Variants in GAD2 observed in about 807,000 individuals in gnomAD.
The protein encoded by GAD2 is 65 kDa glutamic acid decarboxylase.
In GAD2, 22 loss-of-function variants were observed where a neutral mutation model predicts 80.1. That is an observed-to-expected ratio of 0.27 (90% confidence interval 0.20 to 0.39). The LOEUF (loss-of-function observed/expected upper bound fraction) is 0.39, where lower values mean the gene tolerates loss of function less well. Among genes scored for constraint, GAD2 ranks in the 10% least tolerant of loss-of-function variants. The pLI is 1.00. For missense variants in GAD2, 624 were observed against 738.4 expected (o/e 0.85, Z 1.80); for synonymous variants, 274 against 256.9 (o/e 1.07, Z -0.64).
chr10:26,303,491 TGAAG>T lies in GAD2; in HGVS notation c.*2532_*2535del, dbSNP rs1834350473. ...GGGAAGGAGGGAGGGAGGAAGGAAA[TGAAG>T]GGAGGGAGGGAGGGAGGAAAGAAGG... On this transcript the variant is annotated 3_prime_UTR_variant, in exon 16 of 16. Coordinates refer to ENST00000376261, the MANE Select transcript of GAD2 (RefSeq NM_001134366.2). The T allele has an allele frequency of 4.2e-5, 2 of 47,768 alleles. No individual in the cohort carries two copies. The highest frequency in any genetic ancestry group is 2.5e-4 in the Admixed American group (1 of 3,936). The allele number at this position is 47,768 out of a possible 1,614,324, so 3.0% of individuals were successfully genotyped here. A position where few individuals can be genotyped will look rare whatever the true frequency, so the allele number is the denominator to read the frequency against.
intron 8 of GAD2, among the ~76,000 whole-genome samples, chr10:26,254,538 G>A (rs141232186): frequency 1.3e-5 from 2 of 152,300 alleles, no homozygotes; most frequent in African/African-American, 2.4e-5. Context: ...CCATGGATGT[G>A]AGAGAGAACC....
At chr10:26,297,614 A>G (rs1445703570) in intron 15 of GAD2, among the ~76,000 whole-genome samples, 1 of 152,232 alleles carries the variant, frequency 6.6e-6, no homozygotes, top group Non-Finnish European at 1.5e-5. Context: ...ATCCAACCAA[A>G]AAGTACAAAA....
Position 26,229,605 on chromosome 10 carries a change from G to A in GAD2, c.725-57G>A, listed in dbSNP as rs546104830. ...TCAGTGGAAATAAGGAATGTTGCTT[G>A]CATGTGAAATGAGGTTGATAATAAA... On this transcript the variant is annotated intron_variant, in intron 6 of 15. Transcript: ENST00000376261. 3.3e-6 allele frequency: 4 copies of A among 1,205,424 alleles called. No homozygotes were observed. In the African/African-American group the frequency reaches 4.5e-5, roughly 14 times the overall value. 74.7% of individuals were successfully genotyped at this position (1,205,424 alleles called of 1,614,324 possible). A position where few individuals can be genotyped will look rare whatever the true frequency, so the allele number is the denominator to read the frequency against.
intron 13 of GAD2, among the ~76,000 whole-genome samples, chr10:26,289,078 GT>G (rs35967087): frequency 2.0e-5 from 3 of 150,756 alleles, no homozygotes; most frequent in Admixed American, 2.0e-4. Flanking sequence ...ACCTTTGTGA[GT>G]TTTTTTTTGA....
chr10:26,217,485 C>T lies in GAD2; in HGVS notation c.77-125C>T, dbSNP rs1844390631. 9 of 1,011,378 alleles carry T rather than the reference C, an allele frequency of 8.9e-6. No individual in the cohort carries two copies. Among genetic ancestry groups the T allele is most frequent in the Non-Finnish European group, 1.4e-5 (9 of 661,624 alleles). 62.7% of individuals were successfully genotyped at this position (1,011,378 alleles called of 1,614,324 possible). On this transcript the variant is annotated intron_variant, in intron 1 of 15. Coordinates refer to ENST00000376261, the MANE Select transcript of GAD2 (RefSeq NM_001134366.2). The surrounding 1 kb of genome is among the most constrained non-coding windows in gnomAD (Gnocchi z 4.9). ...CGGCCTCACCGAGTCCTGAGCGGCCCCCAGGAGGAAGGCGGCCCCTCCTAG... is the reference window on the plus strand; with the variant it reads ...CGGCCTCACCGAGTCCTGAGCGGCCTCCAGGAGGAAGGCGGCCCCTCCTAG...
At chr10:26,243,926 TG>T (rs1844774033) in intron 7 of GAD2, among the ~76,000 whole-genome samples, 1 of 152,214 alleles carries the variant, frequency 6.6e-6, no homozygotes, top group Non-Finnish European at 1.5e-5. Flanking sequence ...TGTTAAGCCT[TG>T]TATGTAAAAT....
At chr10:26,233,000 G>GT (rs1176267849) in intron 7 of GAD2, among the ~76,000 whole-genome samples, 1 of 152,010 alleles carries the variant, frequency 6.6e-6, no homozygotes, top group African/African-American at 2.4e-5. Flanking sequence ...TTGACAAATA[G>GT]TTTTTTTAAT....
At chr10:26,218,551 T>TCTCTCTCTCACACACACACACACA (rs748110324) in intron 3 of GAD2, among the ~76,000 whole-genome samples, 25 of 118,860 alleles carry the variant, frequency 2.1e-4, no homozygotes, top group African/African-American at 6.8e-4. Flanking sequence ...TCTCTCTCTC[T>TCTCTCTCTCACACACACACACACA]CACACACACA....
At chr10:26,218,551 T>TCTCACACACACACACACACACACACACA (rs748110324) in intron 3 of GAD2, among the ~76,000 whole-genome samples, 1 of 118,780 alleles carries the variant, frequency 8.4e-6, no homozygotes, top group Non-Finnish European at 1.7e-5. Context: ...TCTCTCTCTC[T>TCTCACACACACACACACACACACACACA]CACACACACA....
At chr10:26,253,896 G>A (rs1162658935) in intron 8 of GAD2, among the ~76,000 whole-genome samples, 1 of 152,048 alleles carries the variant, frequency 6.6e-6, no homozygotes, top group Non-Finnish European at 1.5e-5. Context: ...TGGCACCAGG[G>A]ACTGGTCTCA....
At chr10:26,293,644 A>G (rs1162287402) in intron 15 of GAD2, among the ~76,000 whole-genome samples, 3 of 152,202 alleles carry the variant, frequency 2.0e-5, no homozygotes, top group African/African-American at 7.2e-5. Flanking sequence ...TACAAGCACA[A>G]AAGAGACTTT....
In GAD2 at chr10:26,229,711, G is replaced by A. The variant is rs981208590; in HGVS notation, c.774G>A (p.Met258Ile). Reference sequence around the variant, plus strand: ...CCATGATGATCGCACGCTTTAAGATGTTCCCAGAAGTCAAGGAGAAAGGAA... The same window carrying A: ...CCATGATGATCGCACGCTTTAAGATATTCCCAGAAGTCAAGGAGAAAGGAA... The part of the protein sequence containing the change: ...MYAMMIARFK[M>I]FPEVKEKGMA... Residue 258 changes from methionine to isoleucine, a missense_variant, in exon 7 of 16, where the codon ATG (methionine) becomes ATA (isoleucine). Coordinates refer to ENST00000376261, the MANE Select transcript of GAD2 (RefSeq NM_001134366.2). 1.9e-6 allele frequency: 3 copies of A among 1,614,066 alleles called. No individual in the cohort carries two copies. Among genetic ancestry groups the A allele is most frequent in the Non-Finnish European group, 1.7e-6 (2 of 1,180,038 alleles).
intron 4 of GAD2, among the ~76,000 whole-genome samples, chr10:26,220,328 TTAGA>T (rs1844437727): frequency 6.6e-6 from 1 of 152,222 alleles, no homozygotes; most frequent in African/African-American, 2.4e-5. Flanking sequence ...CGTCATCTTT[TTAGA>T]TTGCAAACAT....
Position 26,302,193 on chromosome 10 carries a change from A to G in GAD2, c.*1232A>G, listed in dbSNP as rs1034118716. The G allele has an allele frequency of 6.6e-6, 1 of 152,008 alleles. No homozygotes were observed. Among genetic ancestry groups the G allele is most frequent in the Non-Finnish European group, 1.5e-5 (1 of 67,998 alleles). The allele number at this position is 152,008 out of a possible 1,614,324, so 9.4% of individuals were successfully genotyped here. A position where few individuals can be genotyped will look rare whatever the true frequency, so the allele number is the denominator to read the frequency against. ...TTCCATCCCCTCCCCATTCCTCCCC[A>G]CAAAGTCTCTCCCACTAGACTCCCT... On this transcript the variant is annotated 3_prime_UTR_variant, in exon 16 of 16. Coordinates refer to ENST00000376261, the MANE Select transcript of GAD2 (RefSeq NM_001134366.2).
intron 8 of GAD2, among the ~76,000 whole-genome samples, chr10:26,262,486 T>C (rs1845021305): frequency 6.6e-6 from 1 of 152,084 alleles, no homozygotes; most frequent in South Asian, 2.1e-4. Flanking sequence ...CAGATATTTG[T>C]GTATCTGTTG....
chr10:26,218,549 T>TTTCACA (rs1844412208), intron 3 of GAD2, among the ~76,000 whole-genome samples: 1 of 57,324 alleles, frequency 1.7e-5, no homozygotes, highest in Non-Finnish European at 4.7e-5. Context: ...TCTCTCTCTC[T>TTTCACA]CTCACACACA....
intron 11 of GAD2, among the ~76,000 whole-genome samples, chr10:26,276,227 C>A (rs1251518651): frequency 6.6e-6 from 1 of 151,986 alleles, no homozygotes; most frequent in South Asian, 2.1e-4. Flanking sequence ...CCCTTTCTGG[C>A]ATCCCCTTCA....
chr10:26,291,831 G>C (rs1372593532), intron 13 of GAD2, among the ~76,000 whole-genome samples: 1 of 152,180 alleles, frequency 6.6e-6, no homozygotes, highest in Non-Finnish European at 1.5e-5. Flanking sequence ...TCCAGAGCCA[G>C]AAACTAAAAG....
intron 6 of GAD2, among the ~76,000 whole-genome samples, chr10:26,225,221 C>T (rs1340143131): frequency 1.3e-5 from 2 of 152,148 alleles, no homozygotes; most frequent in Non-Finnish European, 2.9e-5. Flanking sequence ...ATTTCTCATC[C>T]CTTCTCTTCT....
Sources: gnomAD v4.1 joint callset for allele counts (sites outside exome capture counted in the v4.1 genomes callset) on GRCh38, gnomAD v4.1.1 for gene constraint, Gnocchi (gnomAD v3.1) non-coding constraint, MANE v1.5 for transcripts, NCBI Gene and HGNC (gene_info 2026-07-23, HGNC 2026-07-21) for gene names.